Variants in MAD1L1 observed in about 807,000 individuals in gnomAD.
MAD1L1 encodes mitotic spindle assembly checkpoint protein MAD1.
In MAD1L1, 95 loss-of-function variants were observed where a neutral mutation model predicts 96.9. The observed-to-expected ratio is 0.98, with a 90% CI of 0.83 to 1.16. The LOEUF is 1.16. Among genes scored for constraint, MAD1L1 ranks in the 50% most tolerant of loss-of-function variants. The pLI is 0.00. For synonymous variants in MAD1L1, 473 were observed against 396.6 expected (o/e 1.19, Z -2.29); for missense variants, 1,007 against 954.4 (o/e 1.06, Z -0.73).
intron 18 of MAD1L1, among the ~76,000 whole-genome samples, chr7:1,858,297 T>G (rs1784357848): frequency 6.6e-6 from 1 of 152,122 alleles, no homozygotes; most frequent in South Asian, 2.1e-4. Context: ...GGCTGGCCAG[T>G]TGCACCCCAA....
At chr7:2,123,892 G>C (rs1788103154) in intron 11 of MAD1L1, among the ~76,000 whole-genome samples, 1 of 152,224 alleles carries the variant, frequency 6.6e-6, no homozygotes, top group Non-Finnish European at 1.5e-5. Context: ...GCTCTGGCAA[G>C]GGCTTTTTAG....
intron 12 of MAD1L1, among the ~76,000 whole-genome samples, chr7:2,061,731 T>C (rs1187839231): frequency 2.6e-5 from 4 of 152,088 alleles, no homozygotes; most frequent in African/African-American, 9.7e-5. Context: ...TCAGCAAGAG[T>C]CAACACCCCC....
At chr7:1,884,487 C>T (rs571987293) in intron 18 of MAD1L1, among the ~76,000 whole-genome samples, 1 of 152,366 alleles carries the variant, frequency 6.6e-6, no homozygotes, top group African/African-American at 2.4e-5. Flanking sequence ...AGCCGGGATT[C>T]CCCACCACAT....
rs1027079410 is a variant in MAD1L1, at chr7:2,055,150, T to C, written c.1218+14044A>G. ...GCAGGCAGCACAGCGAGGCGGTGCG[T>C]GCCACGACAGCACCAGGCAGAGGCA... On this transcript the variant is annotated intron_variant, in intron 12 of 18. Transcript: ENST00000265854. Among the ~76,000 whole-genome samples the C allele has an allele frequency of 3.9e-5, 6 of 152,144 alleles. No homozygotes were observed. The South Asian group carries it at 1.2e-3, about 32-fold the overall frequency.
chr7:1,951,850 C>T (rs1053747011), intron 16 of MAD1L1, among the ~76,000 whole-genome samples: 2 of 152,176 alleles, frequency 1.3e-5, no homozygotes, highest in African/African-American at 4.8e-5. Flanking sequence ...TGTCCACAGA[C>T]GCTGGGGTGC....
At chr7:2,005,449 T>C (rs1338589336) in intron 13 of MAD1L1, among the ~76,000 whole-genome samples, 1 of 152,252 alleles carries the variant, frequency 6.6e-6, no homozygotes, top group Middle Eastern at 3.4e-3. Flanking sequence ...AAACATATAC[T>C]CTAGCACCCT....
chr7:2,054,669 G>A (rs1349303480), intron 12 of MAD1L1, among the ~76,000 whole-genome samples: 1 of 152,206 alleles, frequency 6.6e-6, no homozygotes, highest in East Asian at 1.9e-4. Flanking sequence ...AGAGAACCCT[G>A]CTTATCTGTG....
At chr7:2,086,023 C>A (rs534521696) in intron 11 of MAD1L1, among the ~76,000 whole-genome samples, 1 of 152,192 alleles carries the variant, frequency 6.6e-6, no homozygotes, top group Non-Finnish European at 1.5e-5. Context: ...CCTCCGTGCG[C>A]AGCTCCACCT....
chr7:2,048,619 A>G (rs1414037026), intron 12 of MAD1L1, among the ~76,000 whole-genome samples: 1 of 152,238 alleles, frequency 6.6e-6, no homozygotes, highest in Non-Finnish European at 1.5e-5. Context: ...TCAGCCAGGA[A>G]GGGGCTGTCC....
Position 2,088,056 on chromosome 7 carries a change from GA to G in MAD1L1, c.1074-18719del, listed in dbSNP as rs1230594565. On this transcript the variant is annotated intron_variant, in intron 11 of 18. Transcript: ENST00000265854. The surrounding 1 kb of genome is among the most constrained non-coding windows in gnomAD (Gnocchi z 4.4). ...GGCTTGAGGCTCTAGGAGAGTTAGA[GA>G]AGAAGAAGACTGGGACTCGGACCAC... 1.3e-5 allele frequency among the ~76,000 whole-genome samples: 2 copies of G among 150,868 alleles called. No individual in the cohort carries two copies. Among genetic ancestry groups the G allele is most frequent in the Non-Finnish European group, 3.0e-5 (2 of 67,494 alleles).
In MAD1L1 at chr7:1,936,789, C is replaced by T. The variant is rs201951163; in HGVS notation, c.1705G>A (p.Glu569Lys). 716 of 1,583,796 alleles carry T rather than the reference C, an allele frequency of 4.5e-4. 2 individuals are homozygous for T. In the East Asian group the frequency reaches 7.2e-3, roughly 16 times the overall value. Reference sequence around the variant, plus strand: ...GCGCGCAGGAGCCCGCGCAGTCGCTCGCACTCCGCCTGCAGCTGGCTGTGG... The same window carrying T: ...GCGCGCAGGAGCCCGCGCAGTCGCTTGCACTCCGCCTGCAGCTGGCTGTGG... ...EDHSQLQAEC[E>K]RLRGLLRAME... Residue 569 changes from glutamate to lysine, a missense_variant, in exon 17 of 19, where the codon GAG (glutamate) becomes AAG (lysine). Coordinates refer to ENST00000265854, the MANE Select transcript of MAD1L1 (RefSeq NM_001013836.2).
At chr7:1,852,283 C>T (rs1025408514) in intron 18 of MAD1L1, among the ~76,000 whole-genome samples, 2 of 152,230 alleles carry the variant, frequency 1.3e-5, no homozygotes, top group African/African-American at 4.8e-5. Flanking sequence ...GTTCAGGCCC[C>T]CACACCTGCA....
rs957772752 is a variant in MAD1L1, at chr7:2,103,785, C to G, written c.1074-34447G>C. On this transcript the variant is annotated intron_variant, in intron 11 of 18. Transcript: ENST00000265854. The surrounding 1 kb of genome is among the most constrained non-coding windows in gnomAD (Gnocchi z 4.3). ...AGCAGACCCCCTGAACCACTGTGCA[C>G]GGAGTCCCTCCGCATCCCCAGGCAG... Among the ~76,000 whole-genome samples, 1 of 152,196 alleles carries G rather than the reference C, an allele frequency of 6.6e-6. No individual in the cohort carries two copies. The highest frequency in any genetic ancestry group is 1.5e-5 in the Non-Finnish European group (1 of 68,032).
chr7:2,107,961 A>G (rs3800905), intron 11 of MAD1L1, among the ~76,000 whole-genome samples: 104,735 of 151,814 alleles, frequency 0.69, 36,721 homozygotes, highest in South Asian at 0.79. Flanking sequence ...CAGGCAGGGG[A>G]CAGGAGACAC....
chr7:2,093,994 G>C (rs1367050978), intron 11 of MAD1L1, among the ~76,000 whole-genome samples: 2 of 152,188 alleles, frequency 1.3e-5, no homozygotes, highest in Non-Finnish European at 2.9e-5. Context: ...CATCCACACA[G>C]AGCTCTCAGG....
chr7:1,963,195 C>T (rs1562565634), intron 15 of MAD1L1, among the ~76,000 whole-genome samples: 1 of 152,166 alleles, frequency 6.6e-6, no homozygotes, highest in Non-Finnish European at 1.5e-5. Flanking sequence ...TCCAAATGTC[C>T]ATCGCAAGGG....
chr7:2,066,842 G>A lies in MAD1L1; in HGVS notation c.1218+2352C>T, dbSNP rs191375393. 3.3e-5 allele frequency among the ~76,000 whole-genome samples: 5 copies of A among 152,368 alleles called. No individual in the cohort carries two copies. In the East Asian group the frequency reaches 9.6e-4, roughly 29 times the overall value. On this transcript the variant is annotated intron_variant, in intron 12 of 18. Coordinates refer to ENST00000265854, the MANE Select transcript of MAD1L1 (RefSeq NM_001013836.2). ...CGCGTGGGTCACAGGCTGCAGGCCA[G>A]ACCCAGCACACAAGAACACTCAGGC...
intron 11 of MAD1L1, among the ~76,000 whole-genome samples, chr7:2,125,072 C>G (rs1179698042): frequency 2.0e-5 from 3 of 152,198 alleles, no homozygotes; most frequent in Admixed American, 2.0e-4. Context: ...ATCCGGTCCT[C>G]ACAGCGACCC....
At chr7:1,855,009 C>CT (rs111326178) in intron 18 of MAD1L1, among the ~76,000 whole-genome samples, 30 of 152,326 alleles carry the variant, frequency 2.0e-4, no homozygotes, top group Middle Eastern at 6.8e-3. Context: ...AGCTCCTGGC[C>CT]TGTGGGAGGC....
Sources: allele counts gnomAD v4.1 joint callset (sites outside exome capture counted in the v4.1 genomes callset), GRCh38; gene constraint gnomAD v4.1.1; non-coding constraint Gnocchi (gnomAD v3.1); transcripts MANE v1.5; gene names NCBI Gene and HGNC (gene_info 2026-07-23, HGNC 2026-07-21).